Variants in DOCK1 observed in about 807,000 individuals in gnomAD.
The protein encoded by DOCK1 is dedicator of cytokinesis 1.
In DOCK1, 138 loss-of-function variants were observed where a neutral mutation model predicts 262.7. The observed-to-expected ratio is 0.53, with a 90% confidence interval of 0.46 to 0.61. The LOEUF (loss-of-function observed/expected upper bound fraction) is 0.61, where lower values mean the gene tolerates loss of function less well. DOCK1 is among the 20% of genes least tolerant of loss of function. The pLI, the probability that DOCK1 is intolerant of heterozygous loss-of-function variation, is 0.00. For synonymous variants in DOCK1, 866 were observed against 867.4 expected (o/e 1.00, Z 0.03); for missense variants, 1,908 against 2,370.7 (o/e 0.80, Z 4.05).
chr10:127,043,118 T>C lies in DOCK1; in HGVS notation c.2155T>C (p.Leu719=). 6.2e-7 allele frequency: 1 copy of C among 1,611,480 alleles called. No homozygotes were observed. Among genetic ancestry groups the C allele is most frequent in the Non-Finnish European group, 8.5e-7 (1 of 1,178,698 alleles). Residue 719 remains leucine (L), a synonymous_variant, in exon 21 of 52, where the codon TTG becomes CTG. Transcript: ENST00000623213. ...AAAATTTCAGCATTTTAATCCTGTT[T>C]TGGAAACTTACATTAAGAAACACTT... is the stretch of plus-strand genomic sequence containing the variant. ...DRKFQHFNPV[L]ETYIKKHFSA... is the part of the protein sequence containing the mutation.
intron 32 of DOCK1, 109 bp from the exon 33 acceptor site, chr10:127,361,955 C>A (rs907022646): frequency 1.6e-6 from 2 of 1,255,390 alleles, no homozygotes; most frequent in Non-Finnish European, 2.1e-6. Context: ...TTTTCGGGAT[C>A]CTGCTGCTCA....
chr10:126,950,056 AT>A (rs1440154475), intron 1 of DOCK1, among the ~76,000 whole-genome samples: 9 of 149,542 alleles, frequency 6.0e-5, no homozygotes, highest in South Asian at 2.1e-4. Flanking sequence ...TCTAAGCCTC[AT>A]TTTTTTTTTC....
intron 1 of DOCK1, among the ~76,000 whole-genome samples, chr10:126,934,167 T>G (rs1352625047): frequency 6.6e-6 from 1 of 152,208 alleles, no homozygotes; most frequent in Non-Finnish European, 1.5e-5. Flanking sequence ...AGTTTCACTC[T>G]TGTTGCCCAG....
In DOCK1 at chr10:126,987,620, GA is replaced by G; in HGVS notation, c.324+4del. 6.4e-7 allele frequency: 1 copy of G among 1,553,040 alleles called. No homozygotes were observed. The highest frequency in any genetic ancestry group is 8.7e-7 in the Non-Finnish European group (1 of 1,147,214). ...CCATCTGGAGGCAGCTCTACGTGGT[GA>G]GAAAATGAGATATTCATTCAAAGCT... On this transcript the variant is annotated splice_donor_region_variant and intron_variant, in intron 5 of 51. Transcript: ENST00000623213.
intron 1 of DOCK1, among the ~76,000 whole-genome samples, chr10:126,931,442 AC>A (rs1318241687): frequency 3.9e-5 from 6 of 152,032 alleles, no homozygotes; most frequent in African/African-American, 1.4e-4. Context: ...GTCTGGTGGC[AC>A]CGGGGGAAGC....
intron 22 of DOCK1, among the ~76,000 whole-genome samples, chr10:127,056,660 T>C (rs1411092871): frequency 2.0e-5 from 3 of 152,102 alleles, no homozygotes; most frequent in Non-Finnish European, 4.4e-5. Flanking sequence ...ACTTAATGAG[T>C]GTATGAGCCC....
intron 23 of DOCK1, among the ~76,000 whole-genome samples, chr10:127,083,532 G>A (rs1055713757): frequency 6.6e-6 from 1 of 152,184 alleles, no homozygotes; most frequent in African/African-American, 2.4e-5. Flanking sequence ...TCATAGTGAG[G>A]AAGTATGCTT....
chr10:126,918,982 A>ATGGGCACAGAGGATTTGGAG (rs1202196352), intron 1 of DOCK1, among the ~76,000 whole-genome samples: 5 of 151,556 alleles, frequency 3.3e-5, no homozygotes, highest in African/African-American at 9.7e-5. Context: ...GAGAAAGCCG[A>ATGGGCACAGAGGATTTGGAG]GAGGGAGTGT....
intron 29 of DOCK1, chr10:127,257,765 C>G (rs1325885144): frequency 5.2e-6 from 1 of 193,084 alleles, no homozygotes; most frequent in East Asian, 1.2e-4. Flanking sequence ...TGTATCAGCC[C>G]TAGGCACTGT....
chr10:127,060,906 G>C (rs923690009), intron 22 of DOCK1, among the ~76,000 whole-genome samples: 3 of 152,194 alleles, frequency 2.0e-5, no homozygotes, highest in Non-Finnish European at 4.4e-5. Context: ...GTGTGTTGTT[G>C]ATTTTCAATT....
intron 29 of DOCK1, among the ~76,000 whole-genome samples, chr10:127,290,987 G>A (rs1034636462): frequency 2.0e-5 from 3 of 152,152 alleles, no homozygotes; most frequent in Non-Finnish European, 2.9e-5. Context: ...GTTTAGTTTT[G>A]TAAACGTCTG....
At chr10:127,095,822 CA>C (rs1397363079) in intron 23 of DOCK1, among the ~76,000 whole-genome samples, 1 of 152,184 alleles carries the variant, frequency 6.6e-6, no homozygotes, top group Non-Finnish European at 1.5e-5. Flanking sequence ...GAAGGCATAA[CA>C]AATTGATTTG....
intron 23 of DOCK1, among the ~76,000 whole-genome samples, chr10:127,069,901 G>T (rs1322230005): frequency 6.6e-6 from 1 of 152,098 alleles, no homozygotes; most frequent in Non-Finnish European, 1.5e-5. Context: ...TAAAACAGTG[G>T]TTTTTTTCTT....
At chr10:127,431,929 A>G (rs1591035699) in intron 47 of DOCK1, among the ~76,000 whole-genome samples, 1 of 152,110 alleles carries the variant, frequency 6.6e-6, no homozygotes, top group South Asian at 2.1e-4. Context: ...GCGGCGGGTG[A>G]GGGAGCATTA....
At chr10:127,022,317 CT>C (rs2042491250) in intron 13 of DOCK1, among the ~76,000 whole-genome samples, 1 of 151,940 alleles carries the variant, frequency 6.6e-6, no homozygotes, top group Non-Finnish European at 1.5e-5. Context: ...GATCCTCATT[CT>C]TTTTTTCTTT....
intron 23 of DOCK1, among the ~76,000 whole-genome samples, chr10:127,105,061 G>A (rs1020064085): frequency 7.9e-5 from 12 of 152,128 alleles, no homozygotes; most frequent in South Asian, 2.1e-4. Flanking sequence ...TTCCTGTGCC[G>A]TTCTCATGAT....
chr10:127,343,928 TGCAGGA>T, intron 31 of DOCK1, among the ~76,000 whole-genome samples, 182 bp downstream of exon 31: 1 of 152,224 alleles, frequency 6.6e-6, no homozygotes, highest in African/African-American at 2.4e-5. Flanking sequence ...GATCTAAAAT[TGCAGGA>T]CTCATCCTGG....
intron 29 of DOCK1, among the ~76,000 whole-genome samples, chr10:127,330,523 A>G (rs1419989242): frequency 6.6e-6 from 1 of 152,178 alleles, no homozygotes; most frequent in African/African-American, 2.4e-5. Context: ...AAATAGTAGG[A>G]TGGTTCCTCT....
intron 1 of DOCK1, among the ~76,000 whole-genome samples, chr10:126,916,641 C>G (rs908754826): frequency 6.6e-6 from 1 of 152,040 alleles, no homozygotes; most frequent in South Asian, 2.1e-4. Context: ...TTCTCCCCTT[C>G]TTCCCTCATT....
Sources: allele counts gnomAD v4.1 joint callset (sites outside exome capture counted in the v4.1 genomes callset), GRCh38; gene constraint gnomAD v4.1.1; transcripts MANE v1.5; gene names NCBI Gene and HGNC (gene_info 2026-07-23, HGNC 2026-07-21).